Variants in HSD17B4 observed in about 807,000 individuals in gnomAD.
HSD17B4 encodes the protein peroxisomal multifunctional enzyme type 2.
In HSD17B4, 70 loss-of-function variants were observed where a neutral mutation model predicts 101.0. The observed-to-expected ratio is 0.69, with a 90% confidence interval of 0.57 to 0.85. The LOEUF is 0.85. Ranked by LOEUF, HSD17B4 falls within the 40% of genes least tolerant of loss-of-function variation. The pLI is 0.00. For synonymous variants in HSD17B4, 347 were observed against 297.1 expected (o/e 1.17, Z -1.73); for missense variants, 984 against 892.4 (o/e 1.10, Z -1.31).
At chr5:119,506,661 C>T (rs1383929422) in intron 14 of HSD17B4, among the ~76,000 whole-genome samples, 157 bp from the exon 15 acceptor site, 1 of 152,222 alleles carries the variant, frequency 6.6e-6, no homozygotes, top group African/African-American at 2.4e-5. Context: ...TATTTCTCCA[C>T]ATCCTCTGCA....
intron 17 of HSD17B4, among the ~76,000 whole-genome samples, 157 bp from the exon 18 acceptor site, chr5:119,525,059 G>T (rs1753455327): frequency 6.6e-6 from 1 of 151,864 alleles, no homozygotes; most frequent in African/African-American, 2.4e-5. Flanking sequence ...TTCATTATAG[G>T]TAATCTTTAT....
At position 119,490,297 on chromosome 5, in the gene HSD17B4, A is replaced by G. The variant is rs560601518; in HGVS notation, c.714+1014A>G. ...CTGTTTTATAGAAGAGGAAAATTTAATAATCTCAAGCCATCTGTAATTCAG... is the reference window on the plus strand; with the variant it reads ...CTGTTTTATAGAAGAGGAAAATTTAGTAATCTCAAGCCATCTGTAATTCAG... On this transcript the variant is annotated intron_variant, in intron 9 of 23. Transcript: ENST00000510025. 1.2e-4 allele frequency among the ~76,000 whole-genome samples: 19 copies of G among 152,312 alleles called. No homozygotes were observed. In the East Asian group the frequency reaches 3.3e-3, roughly 26 times the overall value.
In HSD17B4 at chr5:119,542,052, A is replaced by G. The variant is rs1755042828; in HGVS notation, c.*58A>G. On this transcript the variant is annotated 3_prime_UTR_variant, in exon 24 of 24. Transcript: ENST00000510025. ...CATTAAATACTCTCTTCACCCAAATATGCTTGATTATTCTGCAAAAGTGAT... is the reference window on the plus strand; with the variant it reads ...CATTAAATACTCTCTTCACCCAAATGTGCTTGATTATTCTGCAAAAGTGAT... 7 of 1,121,782 alleles carry G rather than the reference A, an allele frequency of 6.2e-6. No homozygotes were observed. Among genetic ancestry groups the G allele is most frequent in the Non-Finnish European group, 9.5e-6 (7 of 737,308 alleles). 69.5% of individuals were successfully genotyped at this position (1,121,782 alleles called of 1,614,324 possible).
chr5:119,518,721 A>ATAT (rs1314505621), intron 17 of HSD17B4, among the ~76,000 whole-genome samples: 1 of 152,218 alleles, frequency 6.6e-6, no homozygotes, highest in East Asian at 1.9e-4. Flanking sequence ...CTAGGTATTT[A>ATAT]TATTAACTAA....
chr5:119,497,589 C>T (rs1028987071), intron 12 of HSD17B4, among the ~76,000 whole-genome samples: 3 of 152,042 alleles, frequency 2.0e-5, no homozygotes, highest in Non-Finnish European at 4.4e-5. Context: ...TGTTTTTTAC[C>T]CCTTTACCTA....
At chr5:119,455,568 C>CTCTCTCTA (rs35030315) in intron 1 of HSD17B4, among the ~76,000 whole-genome samples, 56 of 136,488 alleles carry the variant, frequency 4.1e-4, no homozygotes, top group East Asian at 1.4e-3. Flanking sequence ...CTCTCTCTCT[C>CTCTCTCTA]TATATATATA....
At chr5:119,507,156 A>G (rs1401731501) in intron 15 of HSD17B4, among the ~76,000 whole-genome samples, 2 of 152,214 alleles carry the variant, frequency 1.3e-5, no homozygotes, top group African/African-American at 4.8e-5. Flanking sequence ...TGTGGCTTGT[A>G]TTGATAATGT....
intron 2 of HSD17B4, among the ~76,000 whole-genome samples, chr5:119,466,188 T>C (rs1755792310): frequency 6.6e-6 from 1 of 152,212 alleles, no homozygotes; most frequent in African/African-American, 2.4e-5. Context: ...TATCTTCTAA[T>C]TGGATTCAGT....
rs147203499 is a variant in HSD17B4, at chr5:119,514,673, T to C, written c.1438-308T>C. On this transcript the variant is annotated intron_variant, in intron 16 of 23. Transcript: ENST00000510025. The stretch of plus-strand genomic sequence containing the variant: ...GAATTATATGTCTAATTCTTGTAGT[T>C]GTTTTCATCTTTTACATAGGGAGTA... 5.6e-3 allele frequency among the ~76,000 whole-genome samples: 860 copies of C among 152,340 alleles called. 6 individuals are homozygous for C. The highest frequency in any genetic ancestry group is 0.02 in the African/African-American group (824 of 41,594).
intron 9 of HSD17B4, 116 bp downstream of exon 9, chr5:119,489,399 T>C (rs1290656818): frequency 1.4e-6 from 1 of 739,372 alleles, no homozygotes; most frequent in Non-Finnish European, 2.4e-6. Flanking sequence ...ATGTTATAAT[T>C]AAAAGTGTTG....
rs11418368 is a variant in HSD17B4, at chr5:119,508,230, C to CAA, written c.1334-901_1334-900dup. Among the ~76,000 whole-genome samples the CAA allele has an allele frequency of 2.7e-4, 39 of 146,818 alleles. 1 individual carries two copies. Among genetic ancestry groups the CAA allele is most frequent in the South Asian group, 8.6e-4 (4 of 4,634 alleles). On this transcript the variant is annotated intron_variant, in intron 15 of 23. Coordinates refer to ENST00000510025, the MANE Select transcript of HSD17B4 (RefSeq NM_000414.4). Reference sequence around the variant, plus strand: ...CACCATTGAACCAAATGTAACATACCAAAAAAAAAAAGTCCTGCCGAAACC... The same window carrying CAA: ...CACCATTGAACCAAATGTAACATACCAAAAAAAAAAAAAGTCCTGCCGAAACC...
intron 2 of HSD17B4, among the ~76,000 whole-genome samples, chr5:119,466,660 A>G (rs896485993): frequency 3.3e-5 from 5 of 151,212 alleles, no homozygotes; most frequent in Non-Finnish European, 5.9e-5. Context: ...TTCATTTCTG[A>G]TTTTATTTGT....
chr5:119,452,660 G>A (rs367932310), intron 1 of HSD17B4, 27 bp downstream of exon 1: 2 of 1,613,224 alleles, frequency 1.2e-6, no homozygotes, highest in African/African-American at 1.3e-5. Context: ...TGGAGGCCGC[G>A]CCCCTTGCTG....
intron 10 of HSD17B4, chr5:119,493,041 C>A (rs1265646358): frequency 6.6e-6 from 1 of 152,116 alleles, no homozygotes; most frequent in African/African-American, 2.4e-5. Flanking sequence ...TTATTGCATT[C>A]ATTTAAAAAA....
At chr5:119,453,656 T>C (rs1054382284) in intron 1 of HSD17B4, among the ~76,000 whole-genome samples, 1 of 152,384 alleles carries the variant, frequency 6.6e-6, no homozygotes, top group Admixed American at 6.5e-5. Context: ...AATTCCTATG[T>C]ACTTTCATAT....
intron 17 of HSD17B4, among the ~76,000 whole-genome samples, chr5:119,521,309 A>G (rs1479307274): frequency 6.6e-6 from 1 of 152,116 alleles, no homozygotes; most frequent in Non-Finnish European, 1.5e-5. Context: ...GGCCCTCAAG[A>G]TTATTTTCGT....
chr5:119,502,435 T>TTGTTCTTTTCTCAGTATAA (rs1751258390), intron 14 of HSD17B4, among the ~76,000 whole-genome samples: 1 of 152,166 alleles, frequency 6.6e-6, no homozygotes, highest in Admixed American at 6.5e-5. Flanking sequence ...CTCAGGTATT[T>TTGTTCTTTTCTCAGTATAA]ATCTTTATAC....
intron 1 of HSD17B4, among the ~76,000 whole-genome samples, chr5:119,453,901 A>G (rs1456750029): frequency 1.3e-5 from 2 of 152,204 alleles, no homozygotes; most frequent in East Asian, 1.9e-4. Flanking sequence ...CAGCTCTTGG[A>G]TAATTTTCAT....
chr5:119,488,568 G>A (rs1749812530), intron 8 of HSD17B4, among the ~76,000 whole-genome samples: 1 of 152,110 alleles, frequency 6.6e-6, no homozygotes, highest in Admixed American at 6.6e-5. Flanking sequence ...GTTACACATT[G>A]TATAAGGTAT....
Sources: allele counts gnomAD v4.1 joint callset (sites outside exome capture counted in the v4.1 genomes callset), GRCh38; gene constraint gnomAD v4.1.1; transcripts MANE v1.5; gene names NCBI Gene and HGNC (gene_info 2026-07-23, HGNC 2026-07-21).